Variants in RAB3C observed in about 807,000 individuals in gnomAD.
The protein encoded by RAB3C is ras-related protein Rab-3C.
Under a neutral mutation model 26.4 loss-of-function variants are expected in RAB3C, and 17 were observed. That is an observed-to-expected ratio of 0.64 (90% CI 0.44 to 0.97). RAB3C has a LOEUF of 0.97. Ranked by LOEUF, RAB3C falls within the 50% of genes least tolerant of loss-of-function variation. The probability of loss-of-function intolerance (pLI) is 0.00; values close to 1 mark genes in which losing one functional copy is unlikely to be tolerated. For missense variants in RAB3C, 242 were observed against 281.9 expected, an observed-to-expected ratio of 0.86 and a Z score of 1.01; for synonymous variants, 91 against 95.9, an observed-to-expected ratio of 0.95 and a Z score of 0.30.
At chr5:58,597,854 C>T (rs141429807) in intron 1 of RAB3C, among the ~76,000 whole-genome samples, 4,810 of 12,192 alleles carry the variant, frequency 0.39, 1,119 homozygotes, top group Non-Finnish European at 0.44. Context: ...TATAAGTATA[C>T]GATAACATGT....
At chr5:58,629,027 GAAAAAAAAA>G (rs70973148) in intron 2 of RAB3C, among the ~76,000 whole-genome samples, 5 of 56,076 alleles carry the variant, frequency 8.9e-5, no homozygotes, top group African/African-American at 2.2e-4. Context: ...CTCACTTCTG[GAAAAAAAAA>G]AAAAAAAAAA....
At chr5:58,586,426 C>A (rs1746009437) in intron 1 of RAB3C, among the ~76,000 whole-genome samples, 1 of 152,038 alleles carries the variant, frequency 6.6e-6, no homozygotes, top group Non-Finnish European at 1.5e-5. Context: ...TAATTTGAGT[C>A]ATTCATTTGG....
chr5:58,755,468 G>A (rs1741634753), intron 3 of RAB3C, among the ~76,000 whole-genome samples: 1 of 152,168 alleles, frequency 6.6e-6, no homozygotes, highest in Admixed American at 6.5e-5. Context: ...ATAATCTCAT[G>A]TCTGAATACT....
chr5:58,648,335 G>A (rs1041826101), intron 2 of RAB3C, among the ~76,000 whole-genome samples: 2 of 152,104 alleles, frequency 1.3e-5, no homozygotes, highest in Non-Finnish European at 2.9e-5. Context: ...GATGAGTCCC[G>A]TAGATTCTGT....
intron 3 of RAB3C, among the ~76,000 whole-genome samples, chr5:58,796,510 T>C (rs10805511): frequency 0.51 from 77,106 of 151,938 alleles, 21,068 homozygotes; most frequent in South Asian, 0.62. Flanking sequence ...TGTAACAGGG[T>C]CCTGGCAGGA....
At chr5:58,781,443 A>G (rs1742267961) in intron 3 of RAB3C, among the ~76,000 whole-genome samples, 1 of 151,936 alleles carries the variant, frequency 6.6e-6, no homozygotes, top group African/African-American at 2.4e-5. Flanking sequence ...TTAAGTAACT[A>G]TTTTCTTAGT....
At chr5:58,722,931 G>A (rs2111915310) in intron 2 of RAB3C, among the ~76,000 whole-genome samples, 1 of 151,920 alleles carries the variant, frequency 6.6e-6, no homozygotes, top group Non-Finnish European at 1.5e-5. Flanking sequence ...CTATCATATA[G>A]TCATGCAATT....
chr5:58,618,354 G>A (rs140957765), intron 2 of RAB3C, among the ~76,000 whole-genome samples: 10 of 152,240 alleles, frequency 6.6e-5, no homozygotes, highest in African/African-American at 1.9e-4. Context: ...CCTTCATAAA[G>A]CTCCAGATAG....
rs10071807 is a variant in RAB3C at position 58,682,502 on chromosome 5, G to A, written c.253-43500G>A. Among the ~76,000 whole-genome samples the A allele has an allele frequency of 5.8e-3, 874 of 151,998 alleles. 11 individuals are homozygous for A. Among genetic ancestry groups the A allele is most frequent in the African/African-American group, 0.019 (806 of 41,446 alleles). ...GATCGAGACCACCCTGGCTAACATG[G>A]TGAAACCCTGTCTCTATTAAAAATA... is the stretch of plus-strand genomic sequence containing the variant. On this transcript the variant is annotated intron_variant, in intron 2 of 4. Coordinates refer to ENST00000282878, the MANE Select transcript of RAB3C (RefSeq NM_138453.4).
rs1249374292 is a variant in RAB3C, at chr5:58,765,196, A to G, written c.371+39076A>G. On this transcript the variant is annotated intron_variant, in intron 3 of 4. Coordinates refer to ENST00000282878, the MANE Select transcript of RAB3C (RefSeq NM_138453.4). ...ATATACCCCTAACTTTCTAGCCAGCACCTCCTGCTCCCAAGGTGAGGACAG... is the reference window on the plus strand; with the variant it reads ...ATATACCCCTAACTTTCTAGCCAGCGCCTCCTGCTCCCAAGGTGAGGACAG... Among the ~76,000 whole-genome samples, 5 of 152,236 alleles carry G rather than the reference A, an allele frequency of 3.3e-5. No individual in the cohort carries two copies. The East Asian group carries it at 9.6e-4, about 29-fold the overall frequency.
rs555232546 is a variant in RAB3C, at chr5:58,756,209, AT to A, written c.371+30096del. ...TTACATACACATAATTATATACTTA[AT>A]TTTTTTCTTAATAAATTGAAGGTGT... On this transcript the variant is annotated intron_variant, in intron 3 of 4. Coordinates refer to ENST00000282878, the MANE Select transcript of RAB3C (RefSeq NM_138453.4). Among the ~76,000 whole-genome samples, 694 of 150,400 alleles carry A rather than the reference AT, an allele frequency of 4.6e-3. 9 individuals are homozygous for A. Among genetic ancestry groups the A allele is most frequent in the African/African-American group, 0.016 (649 of 41,014 alleles).
At chr5:58,638,357 T>G (rs1361448420) in intron 2 of RAB3C, among the ~76,000 whole-genome samples, 1 of 152,174 alleles carries the variant, frequency 6.6e-6, no homozygotes, top group Non-Finnish European at 1.5e-5. Context: ...CTTTTTCCTC[T>G]TATAAATAAG....
chr5:58,637,076 A>AT (rs201409321), intron 2 of RAB3C, among the ~76,000 whole-genome samples: 20 of 134,366 alleles, frequency 1.5e-4, no homozygotes, highest in South Asian at 4.7e-4. Flanking sequence ...GAGCATTATC[A>AT]TTTTTTTTTT....
At chr5:58,704,333 G>A (rs546448032) in intron 2 of RAB3C, among the ~76,000 whole-genome samples, 1 of 152,264 alleles carries the variant, frequency 6.6e-6, no homozygotes, top group East Asian at 1.9e-4. Context: ...CTTGGAGTTT[G>A]CATGTAATTT....
chr5:58,614,406 C>A (rs1345507530), intron 1 of RAB3C, among the ~76,000 whole-genome samples: 1 of 152,000 alleles, frequency 6.6e-6, no homozygotes, highest in Non-Finnish European at 1.5e-5. Context: ...TACAAAAACA[C>A]ACATACATTC....
At chr5:58,715,527 G>C (rs1392206126) in intron 2 of RAB3C, among the ~76,000 whole-genome samples, 1 of 152,024 alleles carries the variant, frequency 6.6e-6, no homozygotes, top group African/African-American at 2.4e-5. Flanking sequence ...TTGATGTTGT[G>C]ATTAAAGATT....
intron 4 of RAB3C, among the ~76,000 whole-genome samples, chr5:58,849,629 C>G (rs1375394832): frequency 6.6e-6 from 1 of 152,156 alleles, no homozygotes; most frequent in Non-Finnish European, 1.5e-5. Flanking sequence ...TTTGAAATAT[C>G]CAGCTCTATT....
intron 2 of RAB3C, among the ~76,000 whole-genome samples, chr5:58,648,869 A>C (rs1350805370): frequency 6.6e-6 from 1 of 152,178 alleles, no homozygotes; most frequent in African/African-American, 2.4e-5. Flanking sequence ...AGTTCTCCTG[A>C]GCAGCCCCAT....
intron 1 of RAB3C, among the ~76,000 whole-genome samples, chr5:58,586,570 G>A (rs996759664): frequency 2.6e-5 from 4 of 152,050 alleles, no homozygotes; most frequent in African/African-American, 4.8e-5. Flanking sequence ...GCAGGGTCAC[G>A]TACTCTCTTA....
Sources: gnomAD v4.1 joint callset for allele counts (sites outside exome capture counted in the v4.1 genomes callset) on GRCh38, gnomAD v4.1.1 for gene constraint, MANE v1.5 for transcripts, NCBI Gene and HGNC (gene_info 2026-07-23, HGNC 2026-07-21) for gene names.